The following PTPRD variants were observed in gnomAD, a reference collection of about 807,000 sequenced individuals.
PTPRD encodes protein tyrosine phosphatase receptor type D.
Under a neutral mutation model 214.5 loss-of-function variants are expected in PTPRD, and 34 were observed. The ratio of observed to expected loss-of-function variants is 0.16; its 90% CI spans 0.12 to 0.21. The LOEUF is 0.21. PTPRD is among the 10% of genes least tolerant of loss of function. PTPRD has a pLI of 1.00. For missense variants in PTPRD, 2,545 were observed against 2,398.7 expected (o/e 1.06, Z -1.27); for synonymous variants, 1,128 against 845.7 (o/e 1.33, Z -5.79).
At chr9:8,897,135 T>A (rs988660408) in intron 11 of PTPRD, among the ~76,000 whole-genome samples, 1 of 152,162 alleles carries the variant, frequency 6.6e-6, no homozygotes, top group Non-Finnish European at 1.5e-5. Flanking sequence ...TTCATTTTGT[T>A]GAGGTAGAGA....
intron 3 of PTPRD, among the ~76,000 whole-genome samples, chr9:10,326,513 G>A (rs2154431441): frequency 6.6e-6 from 1 of 151,652 alleles, no homozygotes; most frequent in Non-Finnish European, 1.5e-5. Flanking sequence ...TTTGTTTGTT[G>A]TTGTTGTTGT....
At chr9:9,428,763 T>A (rs2081984341) in intron 8 of PTPRD, among the ~76,000 whole-genome samples, 1 of 152,048 alleles carries the variant, frequency 6.6e-6, no homozygotes, top group Non-Finnish European at 1.5e-5. Flanking sequence ...TCAAAACCGC[T>A]CAACTACATG....
intron 12 of PTPRD, among the ~76,000 whole-genome samples, chr9:8,667,203 G>T: frequency 6.6e-6 from 1 of 152,138 alleles, no homozygotes. Context: ...GCTGGGCGTT[G>T]TGGTGGGCGC....
intron 2 of PTPRD, among the ~76,000 whole-genome samples, chr9:10,414,378 C>T (rs189496667): frequency 6.6e-6 from 1 of 151,848 alleles, no homozygotes; most frequent in African/African-American, 2.4e-5. Context: ...CAAATCAAAA[C>T]CACAGTGAGA....
intron 5 of PTPRD, among the ~76,000 whole-genome samples, chr9:9,812,984 C>A (rs1185914171): frequency 2.0e-5 from 3 of 151,726 alleles, no homozygotes. Context: ...TGGTAAGAAA[C>A]TAGAAGTCTA....
intron 11 of PTPRD, among the ~76,000 whole-genome samples, chr9:8,737,328 T>A (rs1167590533): frequency 6.6e-6 from 1 of 152,188 alleles, no homozygotes; most frequent in African/African-American, 2.4e-5. Context: ...CTAATCTCCA[T>A]TCCTTATCTT....
intron 23 of PTPRD, among the ~76,000 whole-genome samples, chr9:8,501,561 G>C (rs535079417): frequency 2.0e-5 from 3 of 152,266 alleles, no homozygotes; most frequent in East Asian, 1.9e-4. Flanking sequence ...AGTGTGAAAA[G>C]TTGCAATAAC....
At chr9:10,064,005 C>T (rs1157504057) in intron 3 of PTPRD, among the ~76,000 whole-genome samples, 1 of 151,634 alleles carries the variant, frequency 6.6e-6, no homozygotes, top group Non-Finnish European at 1.5e-5. Context: ...TTCCCTAACC[C>T]TTCATATATT....
At chr9:10,492,405 C>A (rs2040602446) in intron 2 of PTPRD, among the ~76,000 whole-genome samples, 1 of 152,064 alleles carries the variant, frequency 6.6e-6, no homozygotes, top group Non-Finnish European at 1.5e-5. Context: ...GATTGCCATT[C>A]TAGCTGGCAT....
At chr9:9,770,840 G>T (rs950289837) in intron 5 of PTPRD, among the ~76,000 whole-genome samples, 1 of 152,156 alleles carries the variant, frequency 6.6e-6, no homozygotes, top group Admixed American at 6.6e-5. Flanking sequence ...GAAGAGGAAG[G>T]GTAGGAGGTG....
chr9:9,215,945 A>G (rs935997062), intron 9 of PTPRD, among the ~76,000 whole-genome samples: 3 of 152,172 alleles, frequency 2.0e-5, no homozygotes, highest in Admixed American at 2.0e-4. Flanking sequence ...GGGGCAAGAA[A>G]TACCATAAAC....
intron 10 of PTPRD, among the ~76,000 whole-genome samples, chr9:9,168,107 A>G (rs1178357412): frequency 6.6e-6 from 1 of 152,138 alleles, no homozygotes; most frequent in Non-Finnish European, 1.5e-5. Context: ...ATAAAGTTTT[A>G]TTGGAACACA....
chr9:8,331,873 G>T, intron 43 of PTPRD, 137 bp from the exon 44 acceptor site: 1 of 1,010,916 alleles, frequency 9.9e-7, no homozygotes, highest in South Asian at 2.0e-5. Context: ...TGTTTAAATA[G>T]AAACTTAGTT....
At chr9:9,233,806 C>G (rs2099964728) in intron 9 of PTPRD, among the ~76,000 whole-genome samples, 3 of 152,320 alleles carry the variant, frequency 2.0e-5, no homozygotes, top group South Asian at 4.1e-4. Flanking sequence ...CCAGTTCATG[C>G]TGATGCATGA....
chr9:9,159,721 C>T (rs1362759847), intron 10 of PTPRD, among the ~76,000 whole-genome samples: 1 of 152,036 alleles, frequency 6.6e-6, no homozygotes, highest in Non-Finnish European at 1.5e-5. Flanking sequence ...TCCTTAAATT[C>T]GTATGGAACT....
chr9:10,262,309 G>C (rs995023060), intron 3 of PTPRD, among the ~76,000 whole-genome samples: 2 of 152,120 alleles, frequency 1.3e-5, no homozygotes, highest in Non-Finnish European at 2.9e-5. Flanking sequence ...CCATTTTTGA[G>C]CATATATTTT....
chr9:10,497,941 T>A (rs1460754193), intron 2 of PTPRD, among the ~76,000 whole-genome samples: 1 of 152,046 alleles, frequency 6.6e-6, no homozygotes, highest in Non-Finnish European at 1.5e-5. Flanking sequence ...GCTTATCTAG[T>A]CTGTTGGTTA....
chr9:9,335,742 G>A (rs991422200), intron 9 of PTPRD, among the ~76,000 whole-genome samples: 1 of 151,882 alleles, frequency 6.6e-6, no homozygotes, highest in East Asian at 1.9e-4. Context: ...ATTATACCTT[G>A]GAGAAAAATT....
At chr9:8,524,685 A>T (rs2097970530) in intron 18 of PTPRD, 1 of 598,388 alleles carries the variant, frequency 1.7e-6, no homozygotes, top group African/African-American at 1.9e-5. Context: ...ACCAAGATGT[A>T]AAAATGCAAA....
Sources: gnomAD v4.1 joint callset for allele counts (sites outside exome capture counted in the v4.1 genomes callset) on GRCh38, gnomAD v4.1.1 for gene constraint, MANE v1.5 for transcripts, NCBI Gene and HGNC (gene_info 2026-07-23, HGNC 2026-07-21) for gene names.